ZNF217: variants seen among roughly 807,000 people sequenced by gnomAD.
ZNF217 encodes zinc finger protein 217.
In ZNF217, 12 loss-of-function variants were observed where a neutral mutation model predicts 73.3. The observed-to-expected ratio is 0.16, with a 90% CI of 0.10 to 0.27. The LOEUF (loss-of-function observed/expected upper bound fraction) is 0.27, where lower values mean the gene tolerates loss of function less well. Ranked by LOEUF, ZNF217 falls within the 10% of genes least tolerant of loss-of-function variation. The probability of loss-of-function intolerance (pLI) is 1.00; values close to 1 mark genes in which losing one functional copy is unlikely to be tolerated. For synonymous variants in ZNF217, 588 were observed against 516.4 expected (o/e 1.14, Z -1.88); for missense variants, 1,195 against 1,327.8 (o/e 0.90, Z 1.55).
rs1453101175 is a variant in ZNF217, at chr20:53,567,943, G to A, written c.*1345C>T. The A allele has an allele frequency of 6.6e-6, 1 of 152,508 alleles. No individual in the cohort carries two copies. The highest frequency in any genetic ancestry group is 2.4e-5 in the African/African-American group (1 of 41,412). The allele number at this position is 152,508 out of a possible 1,614,324, so 9.4% of individuals were successfully genotyped here. On this transcript the variant is annotated 3_prime_UTR_variant, in exon 6 of 6. Coordinates refer to ENST00000371471, the MANE Select transcript of ZNF217 (RefSeq NM_006526.3). ...AAACAGTTTCTTAATAAAATATTTT[G>A]TGGTCACTAAGCCCATGTACTAATA...
At chr20:53,571,614 C>T in intron 5 of ZNF217, 107 bp downstream of exon 5, 1 of 1,365,506 alleles carries the variant, frequency 7.3e-7, no homozygotes. Context: ...ACCATGTTGG[C>T]CAAGCTGGTC....
upstream of ZNF217, among the ~76,000 whole-genome samples, chr20:53,594,359 A>G (rs1225825563): frequency 2.4e-5 from 2 of 84,266 alleles, no homozygotes; most frequent in Admixed American, 1.3e-4. Flanking sequence ...CCCTGCCTTC[A>G]CCGGCCGCCC....
upstream of ZNF217, among the ~76,000 whole-genome samples, chr20:53,596,156 G>C (rs1382428105): frequency 6.6e-6 from 1 of 151,856 alleles, no homozygotes; most frequent in Non-Finnish European, 1.5e-5. Context: ...AAACGGTTGT[G>C]CTTGTTTTCC....
intron 1 of ZNF217, among the ~76,000 whole-genome samples, chr20:53,583,568 A>T (rs935893520): frequency 6.6e-6 from 1 of 152,248 alleles, no homozygotes; most frequent in Non-Finnish European, 1.5e-5. Context: ...TGAAAAAATT[A>T]AAACACTTTA....
intron 1 of ZNF217, among the ~76,000 whole-genome samples, chr20:53,593,437 CACCCCCGCAG>C (rs1311031681): frequency 6.6e-6 from 1 of 151,700 alleles, no homozygotes; most frequent in African/African-American, 2.4e-5. Flanking sequence ...CCCCACCGCC[CACCCCCGCAG>C]ACCCCCGCTC....
chr20:53,571,160 G>C (rs1415025320), intron 5 of ZNF217, among the ~76,000 whole-genome samples: 1 of 152,086 alleles, frequency 6.6e-6, no homozygotes, highest in Admixed American at 6.6e-5. Context: ...GCCCTCTGCT[G>C]CAACAGAATT....
intron 4 of ZNF217, chr20:53,575,484 T>A (rs886342593): frequency 2.4e-6 from 1 of 418,586 alleles, no homozygotes. Context: ...AAAAATAAAG[T>A]AAGACTAAAC....
In ZNF217 at chr20:53,582,771, T is replaced by C; in HGVS notation, c.56A>G (p.Asp19Gly). The part of the protein sequence containing the change: ...MPTQSLLMYM[D>G]GPEVIGSSLG... ...AGAGCTGCCAATCACTTCTGGCCCA[T>C]CCATGTACATTAAGAGGGATTGAGT... The change falls in exon 2 of 6, where the codon GAT becomes GGT. Residue 19 changes from aspartate (D) to glycine (G), a missense_variant. This residue lies in a region of ZNF217 where 147 missense variants were observed against 184.3 expected (regional missense o/e 0.80). Coordinates refer to ENST00000371471, the MANE Select transcript of ZNF217 (RefSeq NM_006526.3). This position sits in a 1 kb window ranked among gnomAD's most constrained non-coding sequence, Gnocchi z 4.8. The C allele has an allele frequency of 6.2e-7, 1 of 1,613,824 alleles. No individual in the cohort carries two copies. The highest frequency in any genetic ancestry group is 8.5e-7 in the Non-Finnish European group (1 of 1,179,888).
chr20:53,583,111 T>G lies in ZNF217; in HGVS notation c.-285A>C, dbSNP rs943187410. On this transcript the variant is annotated 5_prime_UTR_variant, in exon 2 of 6. Coordinates refer to ENST00000371471, the MANE Select transcript of ZNF217 (RefSeq NM_006526.3). ...GTTCTCTTTGTCTCCATTGAATGAG[T>G]GTTTCAATTGAGCAAGAAGTCAATC... The G allele has an allele frequency of 2.4e-6, 1 of 417,546 alleles. No individual in the cohort carries two copies. The highest frequency in any genetic ancestry group is 3.5e-5 in the East Asian group (1 of 28,908). The allele number at this position is 417,546 out of a possible 1,614,324, so 25.9% of individuals were successfully genotyped here.
upstream of ZNF217, among the ~76,000 whole-genome samples, chr20:53,596,762 C>T (rs1487520168): frequency 6.6e-6 from 1 of 151,950 alleles, no homozygotes; most frequent in Non-Finnish European, 1.5e-5. Flanking sequence ...CGTAGGCCAT[C>T]TCTAAAGGAG....
At position 53,582,817 on chromosome 20, in the gene ZNF217, T is replaced by C; in HGVS notation, c.10A>G (p.Lys4Glu). The C allele has an allele frequency of 1.9e-6, 3 of 1,599,744 alleles. No homozygotes were observed. Among genetic ancestry groups the C allele is most frequent in the Non-Finnish European group, 2.6e-6 (3 of 1,171,272 alleles). MQS[K>E]VTGNMPTQSL... ...TGAGTTGGCATGTTTCCTGTCACTT[T>C]CGATTGCATATAATCTCAAAGTTCC... Residue 4 changes from lysine (K) to glutamate (E), a missense_variant, in exon 2 of 6, where the codon AAA (lysine) becomes GAA (glutamate). Transcript: ENST00000371471. The surrounding 1 kb of genome is among the most constrained non-coding windows in gnomAD (Gnocchi z 4.8).
In ZNF217 at chr20:53,568,226, A is replaced by T. The variant is rs1987827711; in HGVS notation, c.*1062T>A. On this transcript the variant is annotated 3_prime_UTR_variant, in exon 6 of 6. Transcript: ENST00000371471. ...CTCTAGTATGTCCACAGTTCACCCA[A>T]ATGCCAGATACATTAAGACTACCAA... The T allele has an allele frequency of 6.6e-6, 1 of 152,172 alleles. No individual in the cohort carries two copies. Among genetic ancestry groups the T allele is most frequent in the Non-Finnish European group, 1.5e-5 (1 of 68,042 alleles). 9.4% of individuals were successfully genotyped at this position (152,172 alleles called of 1,614,324 possible).
Position 53,583,018 on chromosome 20 carries a change from C to T in ZNF217, c.-192G>A. On this transcript the variant is annotated 5_prime_UTR_variant, in exon 2 of 6. Coordinates refer to ENST00000371471, the MANE Select transcript of ZNF217 (RefSeq NM_006526.3). ...AAGCTCAGTGATGGTGTCACTGGTT[C>T]TTTCCACAAACAAGGCATACAGGGT... 1 of 561,434 alleles carries T rather than the reference C, an allele frequency of 1.8e-6. No homozygotes were observed. The highest frequency in any genetic ancestry group is 3.0e-6 in the Non-Finnish European group (1 of 328,262). The allele number at this position is 561,434 out of a possible 1,614,324, so 34.8% of individuals were successfully genotyped here. A position where few individuals can be genotyped will look rare whatever the true frequency, so the allele number is the denominator to read the frequency against.
rs754328268 is a variant in ZNF217 at position 53,581,429 on chromosome 20, G to C, written c.1366+32C>G. 8 of 1,570,694 alleles carry C rather than the reference G, an allele frequency of 5.1e-6. No individual in the cohort carries two copies. The highest frequency in any genetic ancestry group is 4.5e-5 in the East Asian group (2 of 44,406). ...ACGGGGAGACAGACAGACACAGGCGGAACAGCACGGGACGGAGACAGGGCA... is the reference window on the plus strand; with the variant it reads ...ACGGGGAGACAGACAGACACAGGCGCAACAGCACGGGACGGAGACAGGGCA... On this transcript the variant is annotated intron_variant, in intron 2 of 5. Coordinates refer to ENST00000371471, the MANE Select transcript of ZNF217 (RefSeq NM_006526.3). This position sits in a 1 kb window ranked among gnomAD's most constrained non-coding sequence, Gnocchi z 4.9.
At position 53,593,651 on chromosome 20, in the gene ZNF217, G is replaced by A. The variant is rs552451645; in HGVS notation, c.-343+105C>T. On this transcript the variant is annotated intron_variant, in intron 1 of 5. Coordinates refer to ENST00000371471, the MANE Select transcript of ZNF217 (RefSeq NM_006526.3). ...ACGGGGAACTGAGGTCATCCTGGGG[G>A]GGGACAAGACAACGAGAGCCGGGCG... 7.3e-5 allele frequency: 11 copies of A among 151,634 alleles called. No homozygotes were observed. In the East Asian group the frequency reaches 2.0e-3, roughly 27 times the overall value. The allele number at this position is 151,634 out of a possible 1,614,324, so 9.4% of individuals were successfully genotyped here.
chr20:53,590,461 A>C, intron 1 of ZNF217, among the ~76,000 whole-genome samples: 1 of 152,204 alleles, frequency 6.6e-6, no homozygotes, highest in East Asian at 1.9e-4. Context: ...AAAACATAAA[A>C]AGGGTCCAAT....
chr20:53,594,398 C>T (rs1222870632), upstream of ZNF217, among the ~76,000 whole-genome samples: 1 of 150,492 alleles, frequency 6.6e-6, no homozygotes, highest in Non-Finnish European at 1.5e-5. Flanking sequence ...CCCGGCCCCG[C>T]CCCAGCGCCC....
chr20:53,571,644 T>A, intron 5 of ZNF217, 77 bp downstream of exon 5: 1 of 1,482,702 alleles, frequency 6.7e-7, no homozygotes, highest in Non-Finnish European at 8.9e-7. Context: ...CGATCTCAGG[T>A]GATCCGCCCG....
chr20:53,574,203 G>A (rs143370613), intron 4 of ZNF217, among the ~76,000 whole-genome samples: 1,722 of 152,264 alleles, frequency 0.011, 33 homozygotes, highest in African/African-American at 0.039. Flanking sequence ...CAGTACAGAT[G>A]CGACCATCCA....
Sources: gnomAD v4.1 joint callset for allele counts (sites outside exome capture counted in the v4.1 genomes callset) on GRCh38, gnomAD v4.1.1 for gene constraint, gnomAD v4.1.1 regional missense constraint, Gnocchi (gnomAD v3.1) non-coding constraint, MANE v1.5 for transcripts, NCBI Gene and HGNC (gene_info 2026-07-23, HGNC 2026-07-21) for gene names.